MTHFD1L: variants seen among roughly 807,000 people sequenced by gnomAD.
MTHFD1L encodes the protein monofunctional C1-tetrahydrofolate synthase, mitochondrial.
In MTHFD1L, 81 loss-of-function variants were observed where a neutral mutation model predicts 119.5. The observed-to-expected ratio is 0.68, with a 90% CI of 0.57 to 0.82. MTHFD1L has a LOEUF of 0.82. MTHFD1L is among the 40% of genes least tolerant of loss of function. The pLI, the probability that MTHFD1L is intolerant of heterozygous loss-of-function variation, is 0.00. For synonymous variants in MTHFD1L, 430 were observed against 475.2 expected (o/e 0.90, Z 1.24); for missense variants, 1,125 against 1,253.4 (o/e 0.90, Z 1.55).
Position 151,009,845 on chromosome 6 carries a change from A to G in MTHFD1L, c.2152A>G (p.Ile718Val). 6.2e-7 allele frequency: 1 copy of G among 1,613,936 alleles called. No individual in the cohort carries two copies. The highest frequency in any genetic ancestry group is 8.5e-7 in the Non-Finnish European group (1 of 1,179,942). ...GACCGAAGCTGGCTTTGGTGCTGAC[A>G]TCGGAATGGAGAAATTCTTCAACAT... ...VVTEAGFGAD[I>V]GMEKFFNIKC... Residue 718 changes from isoleucine to valine, a missense_variant, in exon 21 of 28, where the codon ATC becomes GTC. By Grantham distance (29) the Ile-to-Val change is conservative (BLOSUM62 3). Coordinates refer to ENST00000367321, the MANE Select transcript of MTHFD1L (RefSeq NM_015440.5).
At chr6:150,898,830 T>G (rs1376234886) in intron 7 of MTHFD1L, 7 of 345,044 alleles carry the variant, frequency 2.0e-5, no homozygotes, top group African/African-American at 4.4e-5. Context: ...TAGGGAAGAT[T>G]ATTATTATTA....
chr6:150,876,164 C>G lies in MTHFD1L; in HGVS notation c.302C>G (p.Ala101Gly), dbSNP rs1295842575. 1 of 1,591,368 alleles carries G rather than the reference C, an allele frequency of 6.3e-7. No homozygotes were observed. The highest frequency in any genetic ancestry group is 1.4e-5 in the African/African-American group (1 of 73,824). Residue 101 changes from alanine (A) to glycine (G), a missense_variant, in exon 2 of 28, where the codon GCA becomes GGA. Ala to Gly is a moderately conservative substitution (Grantham distance 60). Around this residue, in one of 3 missense-constraint regions of MTHFD1L, gnomAD observed 1,058 missense variants for 1,151.2 expected, o/e 0.92. Coordinates refer to ENST00000367321, the MANE Select transcript of MTHFD1L (RefSeq NM_015440.5). ...AACCCTGCCTTCAAGCCGGTTCTTG[C>G]AATTATCCAGGTAAGCCGAGAACAA... ...EKNPAFKPVLAIIQAGDDNLM... is the reference protein window; with the variant it reads ...EKNPAFKPVLGIIQAGDDNLM...
At chr6:151,069,180 C>T (rs894574477) in intron 26 of MTHFD1L, among the ~76,000 whole-genome samples, 3 of 151,952 alleles carry the variant, frequency 2.0e-5, no homozygotes, top group African/African-American at 7.3e-5. Context: ...ACCTCAGCCT[C>T]ATGACTTTTT....
At chr6:150,978,753 C>T (rs986261733) in intron 20 of MTHFD1L, among the ~76,000 whole-genome samples, 1 of 152,148 alleles carries the variant, frequency 6.6e-6, no homozygotes, top group African/African-American at 2.4e-5. Context: ...ATCAGTGTTA[C>T]TATCCTCATC....
At position 150,946,302 on chromosome 6, in the gene MTHFD1L, A is replaced by G. The variant is rs570217374; in HGVS notation, c.1623+761A>G. Reference sequence around the variant, plus strand: ...GTAGCTGTGATTACAGACACGCACCACCGCACCTGGCTAATTTTTGTATTT... The same window carrying G: ...GTAGCTGTGATTACAGACACGCACCGCCGCACCTGGCTAATTTTTGTATTT... On this transcript the variant is annotated intron_variant, in intron 15 of 27. Transcript: ENST00000367321. Among the ~76,000 whole-genome samples the G allele has an allele frequency of 2.2e-3, 339 of 152,236 alleles. 2 individuals carry two copies. The highest frequency in any genetic ancestry group is 7.9e-3 in the African/African-American group (328 of 41,520).
Position 150,997,606 on chromosome 6 carries a change from T to C in MTHFD1L, c.2126-12213T>C, listed in dbSNP as rs536219250. Among the ~76,000 whole-genome samples, 6 of 152,042 alleles carry C rather than the reference T, an allele frequency of 3.9e-5. No individual in the cohort carries two copies. In the East Asian group the frequency reaches 9.7e-4, roughly 25 times the overall value. ...GAGTTCGAGACCAGCCTGGGCAACA[T>C]GTCAAAACCCCATCTCTACAAAAAA... On this transcript the variant is annotated intron_variant, in intron 20 of 27. Coordinates refer to ENST00000367321, the MANE Select transcript of MTHFD1L (RefSeq NM_015440.5).
intron 7 of MTHFD1L, chr6:150,899,040 T>C: frequency 1.0e-6 from 1 of 978,914 alleles, no homozygotes; most frequent in Non-Finnish European, 1.2e-6. Flanking sequence ...TCATGACTTT[T>C]TTAAGTGTGA....
Position 151,071,837 on chromosome 6 carries a change from A to ATTT in MTHFD1L, c.2848-20610_2848-20608dup, listed in dbSNP as rs753092094. On this transcript the variant is annotated intron_variant, in intron 26 of 27. Coordinates refer to ENST00000367321, the MANE Select transcript of MTHFD1L (RefSeq NM_015440.5). ...ATATTAAGCAACATTGTAAGTACAGATTTTTTTTTTTTTTTTTTTTTTGAG... is the reference window on the plus strand; with the variant it reads ...ATATTAAGCAACATTGTAAGTACAGATTTTTTTTTTTTTTTTTTTTTTTTTGAG... 6.5e-3 allele frequency among the ~76,000 whole-genome samples: 695 copies of ATTT among 107,390 alleles called. 13 individuals are homozygous for ATTT. The highest frequency in any genetic ancestry group is 0.013 in the Middle Eastern group (2 of 158). The allele number at this position is 107,390 out of a possible 152,430, so 70.5% of individuals were successfully genotyped here.
At chr6:150,979,170 A>G (rs1021554329) in intron 20 of MTHFD1L, among the ~76,000 whole-genome samples, 1 of 152,114 alleles carries the variant, frequency 6.6e-6, no homozygotes, top group Non-Finnish European at 1.5e-5. Context: ...CCTGGGAGGC[A>G]GAGGCTGCAG....
chr6:151,010,573 T>C (rs1022133889), intron 21 of MTHFD1L, among the ~76,000 whole-genome samples: 1 of 152,202 alleles, frequency 6.6e-6, no homozygotes, highest in Non-Finnish European at 1.5e-5. Flanking sequence ...TTAAAGACTT[T>C]TTATATTTAC....
At chr6:150,934,756 A>G (rs1370643826) in intron 11 of MTHFD1L, among the ~76,000 whole-genome samples, 1 of 152,164 alleles carries the variant, frequency 6.6e-6, no homozygotes, top group Non-Finnish European at 1.5e-5. Context: ...TGTAAACCCT[A>G]ATGACAGCCT....
chr6:150,933,662 C>T (rs1791552716), intron 11 of MTHFD1L, among the ~76,000 whole-genome samples: 1 of 152,170 alleles, frequency 6.6e-6, no homozygotes, highest in Non-Finnish European at 1.5e-5. Flanking sequence ...ACCGACCACT[C>T]TCGGTCCTCA....
At chr6:150,921,412 G>A (rs974238322) in intron 9 of MTHFD1L, among the ~76,000 whole-genome samples, 6 of 151,912 alleles carry the variant, frequency 3.9e-5, no homozygotes, top group African/African-American at 1.5e-4. Context: ...CACTGCACCT[G>A]GCCTAATTTT....
intron 20 of MTHFD1L, among the ~76,000 whole-genome samples, chr6:150,996,416 G>A (rs547398233): frequency 1.3e-5 from 2 of 151,970 alleles, no homozygotes; most frequent in South Asian, 2.1e-4. Flanking sequence ...TGATCTTACC[G>A]CCTTTACCTC....
chr6:151,008,435 A>G (rs913477513), intron 20 of MTHFD1L, among the ~76,000 whole-genome samples: 1 of 152,194 alleles, frequency 6.6e-6, no homozygotes, highest in Non-Finnish European at 1.5e-5. Flanking sequence ...GTAATGGACA[A>G]TCATCTCACC....
At chr6:150,877,954 A>T in intron 4 of MTHFD1L, 128 bp downstream of exon 4, 4 of 1,064,234 alleles carry the variant, frequency 3.8e-6, no homozygotes, top group Non-Finnish European at 5.7e-6. Flanking sequence ...TAGAGGGAAG[A>T]CTTCACTTCT....
intron 26 of MTHFD1L, among the ~76,000 whole-genome samples, chr6:151,038,544 G>A (rs796883635): frequency 2.0e-5 from 3 of 152,126 alleles, no homozygotes; most frequent in African/African-American, 7.2e-5. Context: ...CGGTAGGGTG[G>A]GTTTTTTGTT....
intron 7 of MTHFD1L, among the ~76,000 whole-genome samples, chr6:150,903,203 A>ATTTTTTTTTTTTTTTTTTTT (rs774695918): frequency 1.2e-5 from 1 of 85,474 alleles, no homozygotes; most frequent in African/African-American, 5.0e-5. Flanking sequence ...TGGCTGCAAA[A>ATTTTTTTTTTTTTTTTTTTT]TTTTTTTTTT....
intron 1 of MTHFD1L, among the ~76,000 whole-genome samples, chr6:150,873,503 AT>A (rs1779892947): frequency 6.6e-6 from 1 of 152,152 alleles, no homozygotes; most frequent in South Asian, 2.1e-4. Flanking sequence ...TGTTTTACAG[AT>A]GAGGAATCTG....
Sources: gnomAD v4.1 joint callset for allele counts (sites outside exome capture counted in the v4.1 genomes callset) on GRCh38, gnomAD v4.1.1 for gene constraint, gnomAD v4.1.1 regional missense constraint, MANE v1.5 for transcripts, NCBI Gene and HGNC (gene_info 2026-07-23, HGNC 2026-07-21) for gene names.